The following CCDC13 variants were observed in gnomAD, a reference collection of about 807,000 sequenced individuals.
CCDC13 encodes coiled-coil domain containing 13.
A neutral mutation model predicts 87.3 loss-of-function variants in CCDC13; 70 were observed. The observed-to-expected ratio is 0.80, with a 90% CI of 0.66 to 0.98. CCDC13 has a LOEUF of 0.98. Ranked by LOEUF, CCDC13 falls within the 50% of genes least tolerant of loss-of-function variation. The probability of loss-of-function intolerance (pLI) is 0.00; values close to 1 mark genes in which losing one functional copy is unlikely to be tolerated. For missense variants in CCDC13, 842 were observed against 892.0 expected (o/e 0.94, Z 0.71); for synonymous variants, 317 against 360.3 (o/e 0.88, Z 1.36).
At chr3:42,772,833 A>G (rs1700165971) in intron 1 of CCDC13, among the ~76,000 whole-genome samples, 1 of 152,226 alleles carries the variant, frequency 6.6e-6, no homozygotes, top group Admixed American at 6.5e-5. Context: ...GAGAGGGCCC[A>G]GTGGCAGAGG....
At chr3:42,756,227 A>G (rs1314839000) in intron 3 of CCDC13, among the ~76,000 whole-genome samples, 1 of 152,218 alleles carries the variant, frequency 6.6e-6, no homozygotes, top group African/African-American at 2.4e-5. Flanking sequence ...TTTCTTATTT[A>G]TTAGCCATCT....
In CCDC13 at chr3:42,733,553, G is replaced by A; in HGVS notation, c.1428C>T (p.Ala476=). 6.2e-7 allele frequency: 1 copy of A among 1,613,922 alleles called. No individual in the cohort carries two copies. Residue 476 remains alanine (A), a synonymous_variant, in exon 11 of 16, where the codon GCC becomes GCT. Transcript: ENST00000310232. ...EGSSGREVSP[A]YTQFLEDPGL... ...CTGGGTCCTCCAGGAACTGGGTATAGGCAGGGCTGACCTCGCGGCCACTGG... is the reference window on the plus strand; with the variant it reads ...CTGGGTCCTCCAGGAACTGGGTATAAGCAGGGCTGACCTCGCGGCCACTGG...
Position 42,742,937 on chromosome 3 carries a change from T to G in CCDC13, c.946A>C (p.Arg316=). ...TTTTCCCTTTCCAGGCTGCGGATCC[T>G]CAGCAGGTTTTTCTCCTGTGCCGAC... The part of the protein sequence containing the change: ...KLSAQEKNLL[R]IRSLEREKQE... The change falls in exon 8 of 16, where the codon AGG becomes CGG. Residue 316 remains arginine (R), a synonymous_variant. Coordinates refer to ENST00000310232, the MANE Select transcript of CCDC13 (RefSeq NM_144719.4). 2 of 1,614,128 alleles carry G rather than the reference T, an allele frequency of 1.2e-6. No homozygotes were observed. The highest frequency in any genetic ancestry group is 1.7e-6 in the Non-Finnish European group (2 of 1,179,988).
chr3:42,711,246 CA>C (rs1174084143), intron 14 of CCDC13, among the ~76,000 whole-genome samples: 72 of 75,330 alleles, frequency 9.6e-4, no homozygotes, highest in Middle Eastern at 8.6e-3. Flanking sequence ...ACTCTGTCTC[CA>C]AAAAAAAAAA....
In CCDC13 at chr3:42,729,602, T is replaced by C. The variant is rs138728131; in HGVS notation, c.1718+865A>G. Among the ~76,000 whole-genome samples, 79 of 152,332 alleles carry C rather than the reference T, an allele frequency of 5.2e-4. No homozygotes were observed. The East Asian group carries it at 0.013, about 25-fold the overall frequency. On this transcript the variant is annotated intron_variant, in intron 13 of 15. Transcript: ENST00000310232. ...GTTCAACCTTCTCTCCCAGAACCCA[T>C]GGGCACAAGAGCTAAAAGCCATTTG... is the stretch of plus-strand genomic sequence containing the variant.
Position 42,707,118 on chromosome 3 carries a change from T to G in CCDC13, c.*1862A>C, listed in dbSNP as rs143957091. ...GATCCTATGCCTGCTTCTCACTCCC[T>G]GGGACTGCACTGAGGCCAGAGCCTG... On this transcript the variant is annotated 3_prime_UTR_variant, in exon 16 of 16. Transcript: ENST00000310232. Among the ~76,000 whole-genome samples, 448 of 152,294 alleles carry G rather than the reference T, an allele frequency of 2.9e-3. No individual in the cohort carries two copies. The highest frequency in any genetic ancestry group is 4.8e-3 in the South Asian group (23 of 4,826).
rs1699721777 is a variant in CCDC13, at chr3:42,757,153, C to T, written c.283G>A (p.Gly95Arg). The change falls in exon 3 of 16, where the codon GGG (glycine) becomes AGG (arginine). Residue 95 changes from glycine to arginine, a missense_variant. Physicochemically the swap from Gly to Arg is moderately radical, Grantham distance 125. Coordinates refer to ENST00000310232, the MANE Select transcript of CCDC13 (RefSeq NM_144719.4). ...TCCTTCAGCAGCTTATACAATCGCC[C>T]GTTCTCGTCCACCGTTTCCCTGAGC... ...NELRETVDEN[G>R]RLYKLLKERD... is the part of the protein sequence containing the mutation. 3.7e-6 allele frequency: 6 copies of T among 1,614,034 alleles called. No individual in the cohort carries two copies. Among genetic ancestry groups the T allele is most frequent in the East Asian group, 2.2e-5 (1 of 44,890 alleles).
Position 42,752,595 on chromosome 3 carries a change from T to C in CCDC13, c.493A>G (p.Ile165Val). 6.2e-7 allele frequency: 1 copy of C among 1,614,220 alleles called. No individual in the cohort carries two copies. The highest frequency in any genetic ancestry group is 8.5e-7 in the Non-Finnish European group (1 of 1,180,042). ...CTCACTTCCCGCTCCAGCTCCTGGA[T>C]GCGATTGGTCAGCTGCTTCACCCTG... is the stretch of plus-strand genomic sequence containing the variant. ...KTRVKQLTNR[I>V]QELERELQTA... The change falls in exon 4 of 16, where the codon ATC (isoleucine) becomes GTC (valine). Residue 165 changes from isoleucine to valine, a missense_variant. Transcript: ENST00000310232.
intron 13 of CCDC13, among the ~76,000 whole-genome samples, chr3:42,726,391 G>A (rs1698689639): frequency 6.6e-6 from 1 of 152,136 alleles, no homozygotes. Context: ...TAGGTTTCAT[G>A]GTAGATGAAG....
chr3:42,757,663 A>G (rs912820911), intron 2 of CCDC13, among the ~76,000 whole-genome samples: 2 of 152,202 alleles, frequency 1.3e-5, no homozygotes, highest in African/African-American at 4.8e-5. Context: ...GGCTGCAGTG[A>G]GCTATCATCC....
At position 42,758,242 on chromosome 3, in the gene CCDC13, T is replaced by A. The variant is rs1431130794; in HGVS notation, c.104A>T (p.Glu35Val). ...RLQKQMEKKR[E>V]KELSLKSRAD... The stretch of plus-strand genomic sequence containing the variant: ...TCTGCTTTTGAGGCTCAGTTCTTTT[T>A]CCCTCTTTTTCTCCATCTGCTTCTG... The change falls in exon 2 of 16, where the codon GAA becomes GTA. Residue 35 changes from glutamate (E) to valine (V), a missense_variant. Coordinates refer to ENST00000310232, the MANE Select transcript of CCDC13 (RefSeq NM_144719.4). The A allele has an allele frequency of 6.2e-7, 1 of 1,613,930 alleles. No homozygotes were observed. Among genetic ancestry groups the A allele is most frequent in the Admixed American group, 1.7e-5 (1 of 60,022 alleles).
intron 13 of CCDC13, among the ~76,000 whole-genome samples, chr3:42,730,210 G>C (rs187833999): frequency 1.3e-5 from 2 of 152,068 alleles, no homozygotes. Flanking sequence ...TCTCTCCCCC[G>C]AGACTCCCAG....
rs1302456949 is a variant in CCDC13 at position 42,772,951 on chromosome 3, G to C, written c.-7+225C>G. 1.7e-4 allele frequency among the ~76,000 whole-genome samples: 26 copies of C among 152,218 alleles called. 1 individual carries two copies. Among genetic ancestry groups the C allele is most frequent in the Admixed American group, 1.7e-3 (26 of 15,284 alleles). On this transcript the variant is annotated intron_variant, in intron 1 of 15. Coordinates refer to ENST00000310232, the MANE Select transcript of CCDC13 (RefSeq NM_144719.4). ...CACCCTCTGCGCCTCATTAACCCATGTACTGCATGGAAAATAAGCGTCTGC... is the reference window on the plus strand; with the variant it reads ...CACCCTCTGCGCCTCATTAACCCATCTACTGCATGGAAAATAAGCGTCTGC...
intron 13 of CCDC13, among the ~76,000 whole-genome samples, chr3:42,726,837 TCA>T (rs1396841225): frequency 2.6e-5 from 4 of 152,028 alleles, no homozygotes; most frequent in Admixed American, 2.6e-4. Context: ...TATATACGTA[TCA>T]CAGTGAAATT....
intron 1 of CCDC13, among the ~76,000 whole-genome samples, chr3:42,764,837 C>T (rs945541510): frequency 2.6e-5 from 4 of 152,280 alleles, no homozygotes; most frequent in Non-Finnish European, 5.9e-5. Flanking sequence ...GATCACTAAA[C>T]TTAACCTCAG....
chr3:42,735,765 G>A lies in CCDC13; in HGVS notation c.1313C>T (p.Ala438Val). 1 of 1,614,228 alleles carries A rather than the reference G, an allele frequency of 6.2e-7. No individual in the cohort carries two copies. ...CTGTCGCACTTTGGCCTCCCGCTCA[G>A]CTACCATGGCCTGCAGCTGGGCGAC... Reference protein sequence around the residue: ...SLVAQLQAMVAEREAKVRQLE... With the variant: ...SLVAQLQAMVVEREAKVRQLE... Residue 438 changes from alanine (A) to valine (V), a missense_variant, in exon 10 of 16, where the codon GCT becomes GTT. Physicochemically the swap from Ala to Val is moderately conservative, Grantham distance 64 (BLOSUM62 0). Transcript: ENST00000310232.
At chr3:42,724,993 A>C (rs950853615) in intron 13 of CCDC13, among the ~76,000 whole-genome samples, 1 of 152,204 alleles carries the variant, frequency 6.6e-6, no homozygotes, top group Non-Finnish European at 1.5e-5. Context: ...AAGTCAAATA[A>C]AAATATAAAC....
At chr3:42,733,281 T>G (rs1410020805) in intron 11 of CCDC13, among the ~76,000 whole-genome samples, 189 bp downstream of exon 11, 4 of 152,252 alleles carry the variant, frequency 2.6e-5, no homozygotes, top group Non-Finnish European at 4.4e-5. Flanking sequence ...TGATAAAATC[T>G]GGGCCTAACC....
intron 1 of CCDC13, among the ~76,000 whole-genome samples, chr3:42,763,242 A>C (rs962799117): frequency 1.3e-5 from 2 of 152,218 alleles, no homozygotes; most frequent in Non-Finnish European, 2.9e-5. Flanking sequence ...ACAAGAGTAG[A>C]TTGCAGTCTG....
Sources: gnomAD v4.1 joint callset for allele counts (sites outside exome capture counted in the v4.1 genomes callset) on GRCh38, gnomAD v4.1.1 for gene constraint, MANE v1.5 for transcripts, NCBI Gene and HGNC (gene_info 2026-07-23, HGNC 2026-07-21) for gene names.